The following CLIP4 variants were observed in gnomAD, a reference collection of about 807,000 sequenced individuals.
CLIP4 encodes CAP-Gly domain-containing linker protein 4.
In CLIP4, 47 loss-of-function variants were observed where a neutral mutation model predicts 73.1. The ratio of observed to expected loss-of-function variants is 0.64; its 90% CI spans 0.51 to 0.82. The LOEUF (loss-of-function observed/expected upper bound fraction) is 0.82, where lower values mean the gene tolerates loss of function less well. Among genes scored for constraint, CLIP4 ranks in the 40% least tolerant of loss-of-function variants. The pLI, the probability that CLIP4 is intolerant of heterozygous loss-of-function variation, is 0.00. For missense variants in CLIP4, 874 were observed against 852.9 expected (o/e 1.02, Z -0.31); for synonymous variants, 306 against 295.4 (o/e 1.04, Z -0.37).
chr2:29,180,840 ATG>A (rs72495863), intron 15 of CLIP4, among the ~76,000 whole-genome samples: 67,375 of 150,058 alleles, frequency 0.45, 15,643 homozygotes, highest in African/African-American at 0.52. Context: ...ATATATATGT[ATG>A]TGTGTGTGTG....
At chr2:29,130,000 A>G (rs1227725661) in intron 2 of CLIP4, 2 of 471,112 alleles carry the variant, frequency 4.2e-6, no homozygotes, top group Non-Finnish European at 8.8e-6. Context: ...ACAGGGAATC[A>G]TGTGTTTCAC....
At chr2:29,164,147 T>G (rs1454750793) in intron 13 of CLIP4, among the ~76,000 whole-genome samples, 193 bp downstream of exon 13, 2 of 152,214 alleles carry the variant, frequency 1.3e-5, no homozygotes, top group African/African-American at 4.8e-5. Flanking sequence ...TTTGCAATTT[T>G]AAAAACCTCC....
At chr2:29,109,968 G>A (rs2148441093) in intron 1 of CLIP4, among the ~76,000 whole-genome samples, 1 of 152,274 alleles carries the variant, frequency 6.6e-6, no homozygotes, top group East Asian at 1.9e-4. Context: ...TGAGGCAGGA[G>A]AATCGCTTGA....
chr2:29,143,614 T>A (rs984515992), intron 6 of CLIP4, 95 bp from the exon 7 acceptor site: 13 of 814,056 alleles, frequency 1.6e-5, no homozygotes, highest in African/African-American at 5.1e-5. Flanking sequence ...AAATGATGAA[T>A]GAATTTAACG....
At chr2:29,172,914 T>C (rs915484586) in intron 14 of CLIP4, among the ~76,000 whole-genome samples, 4 of 152,078 alleles carry the variant, frequency 2.6e-5, no homozygotes, top group African/African-American at 9.7e-5. Flanking sequence ...CAAGTTACCA[T>C]TGCAATTCTT....
intron 1 of CLIP4, among the ~76,000 whole-genome samples, chr2:29,118,018 G>A (rs148998627): frequency 3.3e-4 from 51 of 152,336 alleles, no homozygotes; most frequent in Non-Finnish European, 4.9e-4. Flanking sequence ...CAGATGTTAT[G>A]TAGGTAGCAA....
At chr2:29,172,942 T>G (rs545877490) in intron 14 of CLIP4, among the ~76,000 whole-genome samples, 3 of 152,254 alleles carry the variant, frequency 2.0e-5, no homozygotes, top group African/African-American at 7.2e-5. Flanking sequence ...ATTTTCAAAT[T>G]TTTCTTTTAT....
upstream of CLIP4, among the ~76,000 whole-genome samples, chr2:29,113,300 T>C (rs941035819): frequency 3.9e-5 from 6 of 152,206 alleles, no homozygotes; most frequent in Non-Finnish European, 5.9e-5. This position sits in a 1 kb window ranked among gnomAD's most constrained non-coding sequence, Gnocchi z 4.0. Context: ...TCAGGAACTT[T>C]GTGTCTCCAG....
intron 11 of CLIP4, among the ~76,000 whole-genome samples, chr2:29,159,310 C>T (rs1667136385): frequency 6.6e-6 from 1 of 152,134 alleles, no homozygotes; most frequent in Admixed American, 6.5e-5. Context: ...TACTCCCTCT[C>T]AGATGGCAGC....
intron 6 of CLIP4, among the ~76,000 whole-genome samples, chr2:29,140,163 T>C (rs7562046): frequency 0.83 from 126,193 of 151,956 alleles, 52,689 homozygotes; most frequent in East Asian, 0.99. Context: ...TGTGCCATGA[T>C]GGTGTGCTGC....
intron 2 of CLIP4, among the ~76,000 whole-genome samples, chr2:29,124,054 C>G (rs1664436410): frequency 6.6e-6 from 1 of 152,070 alleles, no homozygotes; most frequent in South Asian, 2.1e-4. Context: ...ATAAAAAAAT[C>G]TCATTTACCC....
chr2:29,138,142 T>C lies in CLIP4; in HGVS notation c.648+2476T>C, dbSNP rs116260417. ...TCTAGGATTTTTGTAGTTCGAGGTC[T>C]TACATTTAAATTTTAAATCCATCTT... On this transcript the variant is annotated intron_variant, in intron 6 of 15. Coordinates refer to ENST00000320081, the MANE Select transcript of CLIP4 (RefSeq NM_024692.6). 8.3e-3 allele frequency among the ~76,000 whole-genome samples: 1,263 copies of C among 152,296 alleles called. 13 individuals are homozygous for C. The highest frequency in any genetic ancestry group is 0.028 in the African/African-American group (1,169 of 41,570).
At chr2:29,109,862 A>G (rs1173426430) in intron 1 of CLIP4, among the ~76,000 whole-genome samples, 3 of 152,280 alleles carry the variant, frequency 2.0e-5, no homozygotes, top group East Asian at 1.9e-4. Context: ...GTTCAAGACC[A>G]GCCTGGCCGT....
chr2:29,174,414 A>T lies in CLIP4; in HGVS notation c.1765A>T (p.Lys589Ter). 1 of 1,612,572 alleles carries T rather than the reference A, an allele frequency of 6.2e-7. No homozygotes were observed. The highest frequency in any genetic ancestry group is 1.1e-5 in the South Asian group (1 of 90,790). ...SFSTTSASSQ[K>*]EINRRNAFSK... is the part of the protein sequence containing the mutation. ...TAGCACAACTTCTGCTTCTTCCCAA[A>T]AGGAGATTAACAGAAGAAATGCTTT... Residue 589 changes from lysine to a stop codon, truncating the protein, a stop_gained, in exon 15 of 16, where the codon AAG (lysine) becomes TAG (stop). Coordinates refer to ENST00000320081, the MANE Select transcript of CLIP4 (RefSeq NM_024692.6). LOFTEE classifies it low-confidence loss of function (END_TRUNC).
At position 29,181,802 on chromosome 2, in the gene CLIP4, C is replaced by G; in HGVS notation, c.2027C>G (p.Thr676Ser). The G allele has an allele frequency of 6.2e-7, 1 of 1,614,180 alleles. No individual in the cohort carries two copies. Among genetic ancestry groups the G allele is most frequent in the Non-Finnish European group, 8.5e-7 (1 of 1,180,024 alleles). ...DGSVGDKRYF[T>S]CKPNHGVLVR... ...TCAGTGGGTGACAAGCGCTATTTCA[C>G]CTGTAAGCCGAACCATGGAGTCTTA... The change falls in exon 16 of 16, where the codon ACC becomes AGC. Residue 676 changes from threonine to serine, a missense_variant. Physicochemically the swap from Thr to Ser is moderately conservative, Grantham distance 58. Transcript: ENST00000320081.
intron 8 of CLIP4, among the ~76,000 whole-genome samples, chr2:29,150,335 G>C: frequency 6.6e-6 from 1 of 152,172 alleles, no homozygotes. Flanking sequence ...TTTAATCATC[G>C]TAAGAGGGTT....
intron 14 of CLIP4, among the ~76,000 whole-genome samples, chr2:29,169,958 A>G (rs1375769361): frequency 2.0e-5 from 3 of 151,876 alleles, no homozygotes; most frequent in African/African-American, 7.3e-5. Context: ...TCTACTCTCT[A>G]CCTTCACAAG....
intron 8 of CLIP4, among the ~76,000 whole-genome samples, chr2:29,149,410 C>CTTTTTTTTTT (rs71403647): frequency 7.2e-6 from 1 of 138,332 alleles, no homozygotes; most frequent in African/African-American, 2.7e-5. Flanking sequence ...TTCTCCTTTT[C>CTTTTTTTTTT]TTTTTTTTTT....
At chr2:29,106,209 A>G (rs1195517186) in intron 1 of CLIP4, among the ~76,000 whole-genome samples, 1 of 147,154 alleles carries the variant, frequency 6.8e-6, no homozygotes, top group Non-Finnish European at 1.5e-5. Flanking sequence ...AATGATACTT[A>G]TCTTATAGAA....
Sources: allele counts gnomAD v4.1 joint callset (sites outside exome capture counted in the v4.1 genomes callset), GRCh38; gene constraint gnomAD v4.1.1; non-coding constraint Gnocchi (gnomAD v3.1); transcripts MANE v1.5; gene names NCBI Gene and HGNC (gene_info 2026-07-23, HGNC 2026-07-21).